The following DTD1 variants were observed in gnomAD, a reference collection of about 807,000 sequenced individuals.
DTD1 encodes D-aminoacyl-tRNA deacylase 1.
In DTD1, 13 loss-of-function variants were observed where a neutral mutation model predicts 25.6. That is an observed-to-expected ratio of 0.51 (90% CI 0.33 to 0.81). DTD1 has a LOEUF of 0.81. DTD1 is among the 30% of genes least tolerant of loss of function. The probability of loss-of-function intolerance (pLI) is 0.02; values close to 1 mark genes in which losing one functional copy is unlikely to be tolerated. For synonymous variants in DTD1, 110 were observed against 103.6 expected (o/e 1.06, Z -0.37); for missense variants, 193 against 266.4 (o/e 0.72, Z 1.92).
intron 1 of DTD1, among the ~76,000 whole-genome samples, chr20:18,591,865 C>T (rs1221199619): frequency 6.6e-6 from 1 of 152,182 alleles, no homozygotes. Context: ...TAGATTATTT[C>T]TATTTCAGCT....
At chr20:18,705,029 TA>T (rs951308738) in intron 4 of DTD1, among the ~76,000 whole-genome samples, 2 of 152,146 alleles carry the variant, frequency 1.3e-5, no homozygotes, top group African/African-American at 4.8e-5. Flanking sequence ...GAAATAAAAT[TA>T]CAAATTTAAT....
intron 4 of DTD1, among the ~76,000 whole-genome samples, chr20:18,677,143 C>T (rs1301230592): frequency 6.6e-6 from 1 of 152,200 alleles, no homozygotes; most frequent in Non-Finnish European, 1.5e-5. Context: ...TTTGTTTCCT[C>T]TGCTTGAATG....
At chr20:18,599,683 G>A (rs961940747) in intron 3 of DTD1, among the ~76,000 whole-genome samples, 1 of 152,100 alleles carries the variant, frequency 6.6e-6, no homozygotes, top group Non-Finnish European at 1.5e-5. Context: ...GCTAATATTT[G>A]GTGTTGTAAT....
At chr20:18,762,201 C>A (rs1467438054) in intron 5 of DTD1, among the ~76,000 whole-genome samples, 1 of 152,190 alleles carries the variant, frequency 6.6e-6, no homozygotes, top group African/African-American at 2.4e-5. Context: ...GAAGCACATC[C>A]ATGGAGGTGG....
intron 3 of DTD1, among the ~76,000 whole-genome samples, chr20:18,621,469 C>T (rs1265240167): frequency 6.6e-6 from 1 of 152,220 alleles, no homozygotes; most frequent in East Asian, 1.9e-4. Flanking sequence ...TATCCTGTTA[C>T]TCAGCCTACT....
chr20:18,619,843 A>G (rs1445834120), intron 3 of DTD1, among the ~76,000 whole-genome samples: 2 of 152,232 alleles, frequency 1.3e-5, no homozygotes, highest in Admixed American at 1.3e-4. Context: ...GGTATTTACT[A>G]AATGGCTTCC....
At chr20:18,741,097 A>C (rs2061276104) in intron 4 of DTD1, among the ~76,000 whole-genome samples, 1 of 152,246 alleles carries the variant, frequency 6.6e-6, no homozygotes, top group Non-Finnish European at 1.5e-5. Context: ...TTACCAGGCC[A>C]TGGCGAAACA....
At chr20:18,663,355 T>TA (rs905605039) in intron 4 of DTD1, among the ~76,000 whole-genome samples, 307 of 144,930 alleles carry the variant, frequency 2.1e-3, no homozygotes, top group Admixed American at 5.3e-3. Context: ...TCTGTATCTA[T>TA]AAAAAAAAAA....
intron 4 of DTD1, among the ~76,000 whole-genome samples, chr20:18,701,335 A>G (rs1049510298): frequency 2.0e-5 from 3 of 152,254 alleles, no homozygotes; most frequent in East Asian, 1.9e-4. Flanking sequence ...AAGCACCCCA[A>G]TAAGGGGGGC....
chr20:18,681,064 C>T (rs2060994996), intron 4 of DTD1, among the ~76,000 whole-genome samples: 1 of 152,222 alleles, frequency 6.6e-6, no homozygotes, highest in Admixed American at 6.5e-5. Flanking sequence ...TAAGTGTTCT[C>T]TGCTCTTTAT....
At chr20:18,611,641 G>T (rs970459447) in intron 3 of DTD1, among the ~76,000 whole-genome samples, 1 of 152,038 alleles carries the variant, frequency 6.6e-6, no homozygotes, top group Non-Finnish European at 1.5e-5. Context: ...GCACCCATGC[G>T]GTTAGGGACA....
intron 4 of DTD1, among the ~76,000 whole-genome samples, chr20:18,644,902 T>G (rs956454214): frequency 6.6e-6 from 1 of 152,038 alleles, no homozygotes; most frequent in Admixed American, 6.6e-5. Context: ...TCCCAAGACT[T>G]TGGGAGCCCA....
intron 4 of DTD1, among the ~76,000 whole-genome samples, chr20:18,726,241 A>G (rs936163066): frequency 1.3e-5 from 2 of 152,164 alleles, no homozygotes; most frequent in African/African-American, 4.8e-5. Flanking sequence ...TGACCTTCCT[A>G]GTGACAATGG....
At chr20:18,640,087 GC>G (rs2060823032) in intron 4 of DTD1, among the ~76,000 whole-genome samples, 1 of 143,314 alleles carries the variant, frequency 7.0e-6, no homozygotes, top group Non-Finnish European at 1.5e-5. Context: ...TTGTCCCTTT[GC>G]CCCCCTTCAT....
At chr20:18,745,070 C>G (rs2061294800) in intron 5 of DTD1, among the ~76,000 whole-genome samples, 1 of 152,168 alleles carries the variant, frequency 6.6e-6, no homozygotes, top group African/African-American at 2.4e-5. Flanking sequence ...GATGCAGATG[C>G]AGAGTCCACT....
At chr20:18,750,225 T>G (rs2061317116) in intron 5 of DTD1, among the ~76,000 whole-genome samples, 1 of 152,044 alleles carries the variant, frequency 6.6e-6, no homozygotes, top group South Asian at 2.1e-4. Flanking sequence ...TGCCCGTGGG[T>G]TTTGTTCCCC....
intron 4 of DTD1, among the ~76,000 whole-genome samples, chr20:18,695,833 C>A (rs1400961233): frequency 6.6e-6 from 1 of 151,250 alleles, no homozygotes; most frequent in African/African-American, 2.4e-5. Context: ...ACTACACAGG[C>A]TAATTTATTT....
At chr20:18,634,894 C>T (rs988383286) in intron 4 of DTD1, among the ~76,000 whole-genome samples, 1 of 152,152 alleles carries the variant, frequency 6.6e-6, no homozygotes. Context: ...CAGAGGGGAG[C>T]TCTCACTTGC....
At chr20:18,595,665 C>T (rs2060608054) in intron 2 of DTD1, among the ~76,000 whole-genome samples, 1 of 152,124 alleles carries the variant, frequency 6.6e-6, no homozygotes, top group South Asian at 2.1e-4. Flanking sequence ...TACAATTGGA[C>T]CCATGTTTTG....
Sources: allele counts gnomAD v4.1 joint callset (sites outside exome capture counted in the v4.1 genomes callset), GRCh38; gene constraint gnomAD v4.1.1; transcripts MANE v1.5; gene names NCBI Gene and HGNC (gene_info 2026-07-23, HGNC 2026-07-21).